The following XPO6 variants were observed in gnomAD, a reference collection of about 807,000 sequenced individuals.
XPO6 encodes the protein exportin 6, also known as exportin-6.
Under a neutral mutation model 130.0 loss-of-function variants are expected in XPO6, and 3 were observed. The ratio of observed to expected loss-of-function variants is 0.02; its 90% confidence interval spans 0.01 to 0.06. The LOEUF is 0.06. Ranked by LOEUF, XPO6 falls within the 10% of genes least tolerant of loss-of-function variation. The pLI, the probability that XPO6 is intolerant of heterozygous loss-of-function variation, is 1.00. For synonymous variants in XPO6, 524 were observed against 548.9 expected, an observed-to-expected ratio of 0.95 and a Z score of 0.63; for missense variants, 970 against 1,393.0, an observed-to-expected ratio of 0.70 and a Z score of 4.83.
At chr16:28,176,639 A>C (rs2043538343) in intron 3 of XPO6, among the ~76,000 whole-genome samples, 1 of 151,154 alleles carries the variant, frequency 6.6e-6, no homozygotes, top group Non-Finnish European at 1.5e-5. Flanking sequence ...CTGGGACTAC[A>C]GGCACCCGCC....
At chr16:28,196,511 T>C (rs1317057244) in intron 1 of XPO6, among the ~76,000 whole-genome samples, 1 of 152,164 alleles carries the variant, frequency 6.6e-6, no homozygotes, top group Middle Eastern at 3.2e-3. Context: ...ACATGGTGAA[T>C]GCACTTAATG....
At chr16:28,151,003 T>G (rs1367623224) in intron 8 of XPO6, among the ~76,000 whole-genome samples, 1 of 151,904 alleles carries the variant, frequency 6.6e-6, no homozygotes, top group Non-Finnish European at 1.5e-5. Flanking sequence ...TTCCCTCCCC[T>G]GCTCCCAGGA....
chr16:28,124,907 G>A (rs2087353840), intron 13 of XPO6, among the ~76,000 whole-genome samples: 1 of 152,148 alleles, frequency 6.6e-6, no homozygotes, highest in South Asian at 2.1e-4. Flanking sequence ...CGAAGCATCA[G>A]GTGTCTTGGC....
rs560521959 is a variant in XPO6 at position 28,102,735 on chromosome 16, TATCTC to T, written c.2947-795_2947-791del. 4.4e-3 allele frequency among the ~76,000 whole-genome samples: 674 copies of T among 151,988 alleles called. 5 individuals carry two copies. Among genetic ancestry groups the T allele is most frequent in the African/African-American group, 0.016 (654 of 41,462 alleles). The stretch of plus-strand genomic sequence containing the variant: ...CCAGCCTAGGCAACAGAGCAAGACT[TATCTC>T]AAAAAAAGAAAAAAGAAAAAAATTA... On this transcript the variant is annotated intron_variant, in intron 21 of 23. Transcript: ENST00000304658.
intron 12 of XPO6, among the ~76,000 whole-genome samples, chr16:28,127,341 T>C (rs112448577): frequency 1.4e-3 from 210 of 152,238 alleles, no homozygotes; most frequent in African/African-American, 4.5e-3. Context: ...GCCTTCCTCC[T>C]TGGCACCCGT....
intron 11 of XPO6, among the ~76,000 whole-genome samples, chr16:28,133,075 G>A (rs1030863503): frequency 4.6e-5 from 7 of 152,196 alleles, no homozygotes; most frequent in Non-Finnish European, 8.8e-5. Flanking sequence ...GGTGGCTCAC[G>A]CCTGTAAATC....
At position 28,111,923 on chromosome 16, in the gene XPO6, G is replaced by A. The variant is rs771154737; in HGVS notation, c.2235C>T (p.Pro745=). ...GGCTGGCGTGGTTGATGGAGCGCAC[G>A]GGCCACTGCTGCTCATTCTCTGGAA... The part of the protein sequence containing the change: ...PNLPENEQQW[P]VRSINHASLI... Residue 745 remains proline (P), a synonymous_variant, in exon 17 of 24, where the codon CCC becomes CCT. Transcript: ENST00000304658. The A allele has an allele frequency of 3.7e-5, 59 of 1,613,992 alleles. No homozygotes were observed. The highest frequency in any genetic ancestry group is 5.0e-5 in the Admixed American group (3 of 59,992).
chr16:28,112,137 C>T (rs2086939674), intron 16 of XPO6, 131 bp from the exon 17 acceptor site: 1 of 1,038,138 alleles, frequency 9.6e-7, no homozygotes, highest in South Asian at 1.7e-5. Context: ...TTCTTGCAAC[C>T]TGGGCAAGGC....
At chr16:28,120,112 T>A (rs1374272005) in intron 14 of XPO6, among the ~76,000 whole-genome samples, 1 of 152,230 alleles carries the variant, frequency 6.6e-6, no homozygotes, top group Non-Finnish European at 1.5e-5. Context: ...CCCAAAATGC[T>A]GGGATTACAG....
chr16:28,166,761 G>A (rs574870453), intron 5 of XPO6, 176 bp from the exon 6 acceptor site: 1 of 985,326 alleles, frequency 1.0e-6, no homozygotes, highest in East Asian at 1.1e-4. Context: ...CTATCTTCTG[G>A]CTCTCCACTG....
chr16:28,200,705 T>C (rs895349659), intron 1 of XPO6, among the ~76,000 whole-genome samples: 2 of 152,142 alleles, frequency 1.3e-5, no homozygotes, highest in Non-Finnish European at 2.9e-5. Context: ...TTCTGTTTTT[T>C]TGGTTTTTTA....
intron 6 of XPO6, among the ~76,000 whole-genome samples, chr16:28,161,281 A>T (rs2043273456): frequency 6.6e-6 from 1 of 152,088 alleles, no homozygotes; most frequent in Non-Finnish European, 1.5e-5. Flanking sequence ...GGCCTTTGGG[A>T]CTCCCTAAAA....
At chr16:28,119,181 A>AT (rs1032667845) in intron 14 of XPO6, among the ~76,000 whole-genome samples, 2,191 of 129,034 alleles carry the variant, frequency 0.017, 37 homozygotes, top group African/African-American at 0.041. Flanking sequence ...ATGTCCGGCT[A>AT]TTTTTTTTTT....
In XPO6 at chr16:28,191,046, T is replaced by C. The variant is rs573754209; in HGVS notation, c.4-10015A>G. Reference sequence around the variant, plus strand: ...TTTTAAAATACCATCCACTGGCCGGTACCCTCTACCTTGCCCCTGGCTGCT... The same window carrying C: ...TTTTAAAATACCATCCACTGGCCGGCACCCTCTACCTTGCCCCTGGCTGCT... On this transcript the variant is annotated intron_variant, in intron 1 of 23. Coordinates refer to ENST00000304658, the MANE Select transcript of XPO6 (RefSeq NM_015171.4). Among the ~76,000 whole-genome samples the C allele has an allele frequency of 2.0e-5, 3 of 152,328 alleles. No homozygotes were observed. In the South Asian group the frequency reaches 6.2e-4, roughly 32 times the overall value.
At chr16:28,194,535 G>C (rs1395634111) in intron 1 of XPO6, among the ~76,000 whole-genome samples, 1 of 151,962 alleles carries the variant, frequency 6.6e-6, no homozygotes, top group Non-Finnish European at 1.5e-5. Flanking sequence ...AATTAATAAG[G>C]GTAGAGGAGG....
chr16:28,162,857 C>T (rs745464975), intron 6 of XPO6, among the ~76,000 whole-genome samples: 21 of 152,108 alleles, frequency 1.4e-4, no homozygotes, highest in Admixed American at 1.3e-4. Context: ...ATGCCCAGCC[C>T]TGTAATAAAC....
At chr16:28,128,015 C>T (rs998520007) in intron 12 of XPO6, among the ~76,000 whole-genome samples, 12 of 152,264 alleles carry the variant, frequency 7.9e-5, no homozygotes, top group African/African-American at 2.4e-4. Context: ...CCCAGCCAGA[C>T]GAACTCACGG....
chr16:28,181,059 A>T, intron 1 of XPO6, 28 bp from the exon 2 acceptor site: 1 of 1,550,584 alleles, frequency 6.4e-7, no homozygotes, highest in Middle Eastern at 1.7e-4. Context: ...AAAAAAATCA[A>T]TAAGCTGCAT....
intron 9 of XPO6, among the ~76,000 whole-genome samples, chr16:28,137,264 G>A (rs2042798921): frequency 6.6e-6 from 1 of 152,212 alleles, no homozygotes; most frequent in South Asian, 2.1e-4. Context: ...ACCAAGCAGT[G>A]ATCTTCCAGA....
Sources: gnomAD v4.1 joint callset for allele counts (sites outside exome capture counted in the v4.1 genomes callset) on GRCh38, gnomAD v4.1.1 for gene constraint, MANE v1.5 for transcripts, NCBI Gene and HGNC (gene_info 2026-07-23, HGNC 2026-07-21) for gene names.